The following NTNG2 variants were observed in gnomAD, a reference collection of about 807,000 sequenced individuals.
The protein encoded by NTNG2 is netrin G2, also known as netrin-G2.
NTNG2 carries 15 observed loss-of-function variants against 47.6 expected under a neutral mutation model. The ratio of observed to expected loss-of-function variants is 0.32; its 90% CI spans 0.21 to 0.49. The LOEUF (loss-of-function observed/expected upper bound fraction) is 0.49. NTNG2 is among the 20% of genes least tolerant of loss of function. The pLI is 0.99. For synonymous variants in NTNG2, 307 were observed against 324.6 expected (o/e 0.95, Z 0.58); for missense variants, 578 against 764.6 (o/e 0.76, Z 2.88).
intron 3 of NTNG2, among the ~76,000 whole-genome samples, chr9:132,216,414 C>CTCTCTCTCTCTCTCTGTG (rs1554790515): frequency 9.1e-6 from 1 of 110,288 alleles, no homozygotes; most frequent in African/African-American, 4.9e-5. Flanking sequence ...CTCTCTCTCT[C>CTCTCTCTCTCTCTCTGTG]TGTGTGTGTG....
At chr9:132,193,507 C>A (rs749011051) in intron 2 of NTNG2, among the ~76,000 whole-genome samples, 1 of 152,044 alleles carries the variant, frequency 6.6e-6, no homozygotes, top group Admixed American at 6.6e-5. Context: ...TGGGAGGGGA[C>A]GAAGTGGCCT....
intron 2 of NTNG2, among the ~76,000 whole-genome samples, chr9:132,171,883 T>C (rs1335941191): frequency 2.0e-5 from 3 of 152,174 alleles, no homozygotes; most frequent in Non-Finnish European, 4.4e-5. Flanking sequence ...GCCTCCCTCC[T>C]CTCGCCGTCA....
At chr9:132,222,991 G>A (rs1366037739) in intron 3 of NTNG2, among the ~76,000 whole-genome samples, 2 of 152,164 alleles carry the variant, frequency 1.3e-5, no homozygotes, top group African/African-American at 4.8e-5. Context: ...GCACGCGACT[G>A]TGGTCCCAGC....
At chr9:132,207,476 A>G (rs1386978890) in intron 3 of NTNG2, among the ~76,000 whole-genome samples, 1 of 152,148 alleles carries the variant, frequency 6.6e-6, no homozygotes, top group East Asian at 1.9e-4. Context: ...TCTGTCTTAC[A>G]CGCTGTCTCC....
chr9:132,230,490 C>T lies in NTNG2; in HGVS notation c.1031-82C>T, dbSNP rs577722265. The T allele has an allele frequency of 1.8e-4, 241 of 1,354,514 alleles. 1 individual carries two copies. Among genetic ancestry groups the T allele is most frequent in the Non-Finnish European group, 2.2e-4 (209 of 967,576 alleles). 83.9% of individuals were successfully genotyped at this position (1,354,514 alleles called of 1,614,324 possible). A position where few individuals can be genotyped will look rare whatever the true frequency, so the allele number is the denominator to read the frequency against. On this transcript the variant is annotated intron_variant, in intron 4 of 7. Coordinates refer to ENST00000393229, the MANE Select transcript of NTNG2 (RefSeq NM_032536.4). ...AGCGACACCTCCAGGTGCTCCCCTGCCCTGCTGGCCCCTCTGCAGGGAGGT... is the reference window on the plus strand; with the variant it reads ...AGCGACACCTCCAGGTGCTCCCCTGTCCTGCTGGCCCCTCTGCAGGGAGGT...
intron 5 of NTNG2, 158 bp from the exon 6 acceptor site, chr9:132,238,946 G>A (rs185954469): frequency 4.4e-5 from 32 of 727,598 alleles, no homozygotes; most frequent in Non-Finnish European, 6.3e-5. Flanking sequence ...TCCTGAATCC[G>A]ATGGAAGGGT....
intron 3 of NTNG2, 67 bp downstream of exon 3, chr9:132,198,676 T>G: frequency 1.3e-6 from 2 of 1,492,842 alleles, no homozygotes; most frequent in South Asian, 1.3e-5. Context: ...TGGGACGTTA[T>G]TGGATACCTG....
intron 3 of NTNG2, among the ~76,000 whole-genome samples, chr9:132,199,969 C>T (rs551840148): frequency 6.6e-6 from 1 of 152,226 alleles, no homozygotes; most frequent in South Asian, 2.1e-4. Context: ...TCTGTGTTGT[C>T]CTGGGTCATT....
chr9:132,202,133 G>C (rs886771551), intron 3 of NTNG2, among the ~76,000 whole-genome samples: 1 of 152,216 alleles, frequency 6.6e-6, no homozygotes, highest in Non-Finnish European at 1.5e-5. Flanking sequence ...ATGATGGAGC[G>C]ATCCCACGGG....
At position 132,241,883 on chromosome 9, in the gene NTNG2, G is replaced by T. The variant is rs770872322; in HGVS notation, c.1365G>T (p.Val455=). 2.5e-6 allele frequency: 4 copies of T among 1,573,452 alleles called. No individual in the cohort carries two copies. Among genetic ancestry groups the T allele is most frequent in the Non-Finnish European group, 3.4e-6 (4 of 1,166,438 alleles). ...HYWRQGCYPN[V]CDDDQLLCQN... is the part of the protein sequence containing the mutation. Reference sequence around the variant, plus strand: ...CGCCCCCTCCGCCTGCAGCCAACGTGTGCGACGACGACCAGCTGCTGTGCC... The same window carrying T: ...CGCCCCCTCCGCCTGCAGCCAACGTTTGCGACGACGACCAGCTGCTGTGCC... The change falls in exon 8 of 8, where the codon GTG becomes GTT. Residue 455 remains valine, a synonymous_variant. Coordinates refer to ENST00000393229, the MANE Select transcript of NTNG2 (RefSeq NM_032536.4).
rs10119807 is a variant in NTNG2 at position 132,197,708 on chromosome 9, C to T, written c.214-258C>T. Among the ~76,000 whole-genome samples, 8,575 of 152,248 alleles carry T rather than the reference C, an allele frequency of 0.056. 746 individuals carry two copies. Among genetic ancestry groups the T allele is most frequent in the African/African-American group, 0.19 (7,894 of 41,496 alleles). ...AGGGCTTCAAAGCAGGGGACTAACACCCAGCCTTCTTGGTTGTCTGTATTT... is the reference window on the plus strand; with the variant it reads ...AGGGCTTCAAAGCAGGGGACTAACATCCAGCCTTCTTGGTTGTCTGTATTT... On this transcript the variant is annotated intron_variant, in intron 2 of 7. Coordinates refer to ENST00000393229, the MANE Select transcript of NTNG2 (RefSeq NM_032536.4). This position sits in a 1 kb window ranked among gnomAD's most constrained non-coding sequence, Gnocchi z 4.3.
chr9:132,193,590 G>C (rs1838056199), intron 2 of NTNG2, among the ~76,000 whole-genome samples: 1 of 152,238 alleles, frequency 6.6e-6, no homozygotes, highest in Admixed American at 6.5e-5. Context: ...ACGCCACTTG[G>C]TGCCAGCGTA....
chr9:132,226,852 C>A lies in NTNG2; in HGVS notation c.861C>A (p.Cys287Ter). The change falls in exon 4 of 8, where the codon TGC becomes TGA. Residue 287 changes from cysteine (C) to a stop codon, truncating the protein, a stop_gained. Coordinates refer to ENST00000393229, the MANE Select transcript of NTNG2 (RefSeq NM_032536.4). LOFTEE classifies it high-confidence loss of function. This position sits in a 1 kb window ranked among gnomAD's most constrained non-coding sequence, Gnocchi z 4.8. ...TGCCCTCTCGGTGTCTCCCCAGGTGCAAGTGCAACCTGCACGCCAACCTGT... is the reference window on the plus strand; with the variant it reads ...TGCCCTCTCGGTGTCTCCCCAGGTGAAAGTGCAACCTGCACGCCAACCTGT... ...AISNIEVIGR[C>*]KCNLHANLCS... The A allele has an allele frequency of 6.3e-7, 1 of 1,599,980 alleles. No individual in the cohort carries two copies. Among genetic ancestry groups the A allele is most frequent in the Non-Finnish European group, 8.5e-7 (1 of 1,173,044 alleles).
rs771153100 is a variant in NTNG2, at chr9:132,166,828, A to C, written c.-4A>C. On this transcript the variant is annotated 5_prime_UTR_variant, in exon 2 of 8. Coordinates refer to ENST00000393229, the MANE Select transcript of NTNG2 (RefSeq NM_032536.4). The stretch of plus-strand genomic sequence containing the variant: ...TGGGCCGCGCCTCTGCAGACTGCGC[A>C]GCCATGCTGCATCTGCTGGCGCTCT... The C allele has an allele frequency of 6.2e-7, 1 of 1,613,650 alleles. No individual in the cohort carries two copies. The highest frequency in any genetic ancestry group is 1.1e-5 in the South Asian group (1 of 91,064).
At position 132,242,004 on chromosome 9, in the gene NTNG2, G is replaced by T; in HGVS notation, c.1486G>T (p.Asp496Tyr). The T allele has an allele frequency of 6.8e-7, 1 of 1,473,702 alleles. No homozygotes were observed. Among genetic ancestry groups the T allele is most frequent in the Non-Finnish European group, 8.9e-7 (1 of 1,119,074 alleles). 91.3% of individuals were successfully genotyped at this position (1,473,702 alleles called of 1,614,324 possible). ...GCAGCCCCGCTGCGACCCCGCCGAC[G>T]ATGACGGCGGTCTGGACTGCGACCG... ...CEQPRCDPAD[D>Y]DGGLDCDRAP... The change falls in exon 8 of 8, where the codon GAT becomes TAT. Residue 496 changes from aspartate to tyrosine, a missense_variant. Asp to Tyr is a radical substitution (Grantham distance 160, BLOSUM62 -3). Transcript: ENST00000393229. The surrounding 1 kb of genome is among the most constrained non-coding windows in gnomAD (Gnocchi z 5.9).
rs1279174063 is a variant in NTNG2 at position 132,236,882 on chromosome 9, A to G, written c.1055-2222A>G. Among the ~76,000 whole-genome samples, 1 of 152,238 alleles carries G rather than the reference A, an allele frequency of 6.6e-6. No homozygotes were observed. The highest frequency in any genetic ancestry group is 1.5e-5 in the Non-Finnish European group (1 of 68,044). On this transcript the variant is annotated intron_variant, in intron 5 of 7. Transcript: ENST00000393229. The surrounding 1 kb of genome is among the most constrained non-coding windows in gnomAD (Gnocchi z 4.3). ...CACTTGCGAGTGGGACTCCAGGGAC[A>G]GCGAAGGATTCACTTCGGCTGGAGC...
intron 2 of NTNG2, among the ~76,000 whole-genome samples, chr9:132,193,505 G>A (rs1216807677): frequency 2.0e-5 from 3 of 152,180 alleles, no homozygotes; most frequent in Admixed American, 1.3e-4. Context: ...GGTGGGAGGG[G>A]ACGAAGTGGC....
intron 3 of NTNG2, among the ~76,000 whole-genome samples, chr9:132,216,752 C>G (rs1396459076): frequency 1.3e-5 from 2 of 152,074 alleles, no homozygotes; most frequent in Admixed American, 1.3e-4. Flanking sequence ...GAAAATTGAT[C>G]CCACAGAAGA....
rs1413693327 is a variant in NTNG2 at position 132,180,500 on chromosome 9, G to A, written c.213+13456G>A. ...CCAAAACCTTTGCCCACAGTTCTGGGGCTGGCACCGTCCTGGGGCTCAGCT... is the reference window on the plus strand; with the variant it reads ...CCAAAACCTTTGCCCACAGTTCTGGAGCTGGCACCGTCCTGGGGCTCAGCT... On this transcript the variant is annotated intron_variant, in intron 2 of 7. Coordinates refer to ENST00000393229, the MANE Select transcript of NTNG2 (RefSeq NM_032536.4). The surrounding 1 kb of genome is among the most constrained non-coding windows in gnomAD (Gnocchi z 4.2). 6.6e-6 allele frequency among the ~76,000 whole-genome samples: 1 copy of A among 152,228 alleles called. No homozygotes were observed. The highest frequency in any genetic ancestry group is 6.5e-5 in the Admixed American group (1 of 15,290).
Sources: gnomAD v4.1 joint callset for allele counts (sites outside exome capture counted in the v4.1 genomes callset) on GRCh38, gnomAD v4.1.1 for gene constraint, Gnocchi (gnomAD v3.1) non-coding constraint, MANE v1.5 for transcripts, NCBI Gene and HGNC (gene_info 2026-07-23, HGNC 2026-07-21) for gene names.